The following WSCD2 variants were observed in gnomAD, a reference collection of about 807,000 sequenced individuals.
WSCD2 encodes the protein sialate:O-sulfotransferase 2.
Under a neutral mutation model 55.7 loss-of-function variants are expected in WSCD2, and 28 were observed. The ratio of observed to expected loss-of-function variants is 0.50; its 90% CI spans 0.37 to 0.69. The LOEUF (loss-of-function observed/expected upper bound fraction) is 0.69. Ranked by LOEUF, WSCD2 falls within the 30% of genes least tolerant of loss-of-function variation. WSCD2 has a pLI of 0.00. For missense variants in WSCD2, 616 were observed against 762.1 expected (o/e 0.81, Z 2.26); for synonymous variants, 301 against 301.9 (o/e 1.00, Z 0.03).
chr12:108,151,911 A>T (rs1439665403), intron 1 of WSCD2, among the ~76,000 whole-genome samples: 1 of 152,106 alleles, frequency 6.6e-6, no homozygotes, highest in Non-Finnish European at 1.5e-5. Context: ...TCTTTCCAAC[A>T]TTCTCTCAGC....
intron 1 of WSCD2, among the ~76,000 whole-genome samples, chr12:108,136,329 A>T (rs1230817721): frequency 1.6e-4 from 3 of 19,146 alleles, no homozygotes; most frequent in African/African-American, 4.2e-4. Flanking sequence ...AGTGGCCTTT[A>T]GCAAGTCCCA....
chr12:108,139,741 C>A (rs759252375), intron 1 of WSCD2, among the ~76,000 whole-genome samples: 23 of 152,300 alleles, frequency 1.5e-4, no homozygotes, highest in Non-Finnish European at 2.4e-4. Flanking sequence ...ATGCTCAGAA[C>A]AATATTCATC....
chr12:108,199,912 TATA>T (rs1884447841), intron 2 of WSCD2, among the ~76,000 whole-genome samples: 4 of 152,178 alleles, frequency 2.6e-5, no homozygotes, highest in Non-Finnish European at 4.4e-5. Flanking sequence ...CTATTATTAT[TATA>T]ATAAGCTTGC....
Position 108,195,888 on chromosome 12 carries a change from T to C in WSCD2, c.56T>C (p.Phe19Ser). The change falls in exon 2 of 9, where the codon TTC becomes TCC. Residue 19 changes from phenylalanine (F) to serine (S), a missense_variant. This residue lies in a region of WSCD2 where 374 missense variants were observed against 467.4 expected (regional missense o/e 0.80). Coordinates refer to ENST00000547525, the MANE Select transcript of WSCD2 (RefSeq NM_014653.4). ...TACTTCCGCCGGAAACCTGTGCGCT[T>C]CTTTACCTTCCTGGCACTCTACCTG... is the stretch of plus-strand genomic sequence containing the variant. ...QRYFRRKPVR[F>S]FTFLALYLTA... 1 of 1,614,144 alleles carries C rather than the reference T, an allele frequency of 6.2e-7. No individual in the cohort carries two copies. The highest frequency in any genetic ancestry group is 8.5e-7 in the Non-Finnish European group (1 of 1,180,028).
At chr12:108,214,090 G>GTAT (rs1050356022) in intron 4 of WSCD2, among the ~76,000 whole-genome samples, 1 of 152,200 alleles carries the variant, frequency 6.6e-6, no homozygotes, top group Non-Finnish European at 1.5e-5. Context: ...ACTCTGGCAT[G>GTAT]TATTACATCA....
intron 1 of WSCD2, among the ~76,000 whole-genome samples, chr12:108,149,444 A>C (rs965407054): frequency 2.0e-5 from 3 of 152,206 alleles, no homozygotes; most frequent in Non-Finnish European, 4.4e-5. Context: ...AAATCTCCCC[A>C]GTAGGCCTGT....
At position 108,248,434 on chromosome 12, in the gene WSCD2, T is replaced by C; in HGVS notation, c.*91T>C. On this transcript the variant is annotated 3_prime_UTR_variant, in exon 9 of 9. Transcript: ENST00000547525. The surrounding 1 kb of genome is among the most constrained non-coding windows in gnomAD (Gnocchi z 4.3). ...CCTGGTTACCCCCACTCATCTGTCC[T>C]CTCTTTGGTCTGGGGACAATCCCCT... 6.7e-7 allele frequency: 1 copy of C among 1,485,180 alleles called. No homozygotes were observed. The highest frequency in any genetic ancestry group is 8.9e-7 in the Non-Finnish European group (1 of 1,117,518). 92.0% of individuals were successfully genotyped at this position (1,485,180 alleles called of 1,614,324 possible).
intron 1 of WSCD2, among the ~76,000 whole-genome samples, chr12:108,162,417 C>T (rs191670031): frequency 6.6e-6 from 1 of 152,326 alleles, no homozygotes; most frequent in African/African-American, 2.4e-5. Context: ...ATTTCACACT[C>T]AGATGCAAGC....
chr12:108,175,821 C>T (rs139105071), intron 1 of WSCD2, among the ~76,000 whole-genome samples: 28 of 152,308 alleles, frequency 1.8e-4, no homozygotes, highest in Admixed American at 5.2e-4. Flanking sequence ...GTTAATGTTA[C>T]ATGGCATTTT....
intron 1 of WSCD2, among the ~76,000 whole-genome samples, chr12:108,176,741 C>T (rs1409868566): frequency 6.6e-6 from 1 of 152,186 alleles, no homozygotes; most frequent in Non-Finnish European, 1.5e-5. Flanking sequence ...ACATTCCTAC[C>T]ATGGATGGAT....
At chr12:108,244,336 C>T (rs1889947999) in intron 8 of WSCD2, among the ~76,000 whole-genome samples, 2 of 152,100 alleles carry the variant, frequency 1.3e-5, no homozygotes, top group Admixed American at 1.3e-4. Context: ...GAAGCATTGC[C>T]ATAGGAGGGG....
chr12:108,203,901 G>T (rs1263416162), intron 2 of WSCD2, among the ~76,000 whole-genome samples: 1 of 152,188 alleles, frequency 6.6e-6, no homozygotes, highest in Non-Finnish European at 1.5e-5. Context: ...ACAGACCTGG[G>T]CTTTAATTTG....
intron 1 of WSCD2, among the ~76,000 whole-genome samples, chr12:108,188,820 T>G (rs1427742394): frequency 6.6e-6 from 1 of 152,220 alleles, no homozygotes; most frequent in South Asian, 2.1e-4. Context: ...CTGGTCTGCA[T>G]AGTGTCCGCC....
chr12:108,232,318 A>C (rs891276079), intron 6 of WSCD2, among the ~76,000 whole-genome samples: 3 of 152,120 alleles, frequency 2.0e-5, no homozygotes, highest in Non-Finnish European at 4.4e-5. Flanking sequence ...CGCAAAATAC[A>C]AGAATAACAA....
intron 6 of WSCD2, among the ~76,000 whole-genome samples, chr12:108,231,670 C>T (rs1298239591): frequency 3.3e-5 from 5 of 152,206 alleles, no homozygotes; most frequent in Admixed American, 3.3e-4. Flanking sequence ...CACCATTCTA[C>T]CCATTCATGC....
At chr12:108,179,264 G>C (rs78429732) in intron 1 of WSCD2, among the ~76,000 whole-genome samples, 4 of 149,324 alleles carry the variant, frequency 2.7e-5, no homozygotes, top group African/African-American at 7.3e-5. Flanking sequence ...CAGCGGGGGA[G>C]GGGGGGCAGA....
At chr12:108,243,557 C>T (rs1336032527) in intron 8 of WSCD2, among the ~76,000 whole-genome samples, 1 of 152,176 alleles carries the variant, frequency 6.6e-6, no homozygotes, top group Non-Finnish European at 1.5e-5. Flanking sequence ...TAACAAAACC[C>T]TCCAGGTGAT....
At chr12:108,204,742 C>G (rs1379113198) in intron 2 of WSCD2, among the ~76,000 whole-genome samples, 3 of 152,182 alleles carry the variant, frequency 2.0e-5, no homozygotes, top group African/African-American at 7.2e-5. Flanking sequence ...TCAAGGTGAT[C>G]AGGTCAAGAC....
intron 1 of WSCD2, among the ~76,000 whole-genome samples, chr12:108,187,502 G>A (rs1387943635): frequency 6.6e-6 from 1 of 152,216 alleles, no homozygotes; most frequent in East Asian, 1.9e-4. Flanking sequence ...CTCGAAGCCT[G>A]TTCCACCACT....
Sources: allele counts gnomAD v4.1 joint callset (sites outside exome capture counted in the v4.1 genomes callset), GRCh38; gene constraint gnomAD v4.1.1; regional missense constraint gnomAD v4.1.1; non-coding constraint Gnocchi (gnomAD v3.1); transcripts MANE v1.5; gene names NCBI Gene and HGNC (gene_info 2026-07-23, HGNC 2026-07-21).